GALNT17: variants seen among roughly 807,000 people sequenced by gnomAD.
The protein encoded by GALNT17 is UDP-GalNAc:polypeptide N-acetylgalactosaminyltransferase-like 3.
A neutral mutation model predicts 63.7 loss-of-function variants in GALNT17; 29 were observed. That is an observed-to-expected ratio of 0.46 (90% CI 0.34 to 0.62). The LOEUF (loss-of-function observed/expected upper bound fraction) is 0.62. Ranked by LOEUF, GALNT17 falls within the 20% of genes least tolerant of loss-of-function variation. GALNT17 has a pLI of 0.01. For synonymous variants in GALNT17, 305 were observed against 318.3 expected (o/e 0.96, Z 0.45); for missense variants, 603 against 799.6 (o/e 0.75, Z 2.97).
chr7:71,356,792 A>AT (rs766266282), intron 2 of GALNT17, among the ~76,000 whole-genome samples: 107 of 152,000 alleles, frequency 7.0e-4, no homozygotes, highest in Non-Finnish European at 1.0e-3. Flanking sequence ...GCATATATAT[A>AT]TATTTTTTAG....
chr7:71,390,404 A>T (rs981038072), intron 3 of GALNT17, among the ~76,000 whole-genome samples: 1 of 152,048 alleles, frequency 6.6e-6, no homozygotes, highest in Non-Finnish European at 1.5e-5. Flanking sequence ...CTTCTCTGGG[A>T]CCTCTGGCTT....
chr7:71,397,613 C>G (rs572529545), intron 3 of GALNT17, among the ~76,000 whole-genome samples: 9 of 152,198 alleles, frequency 5.9e-5, no homozygotes, highest in Non-Finnish European at 1.3e-4. Context: ...CTCGCTGCAT[C>G]TATCTGAAGT....
chr7:71,395,105 A>G (rs1231650594), intron 3 of GALNT17, among the ~76,000 whole-genome samples: 1 of 152,174 alleles, frequency 6.6e-6, no homozygotes, highest in Non-Finnish European at 1.5e-5. Context: ...CTGTCTCAAA[A>G]AAACAAAAAA....
chr7:71,205,685 A>T (rs1409757467), intron 1 of GALNT17, among the ~76,000 whole-genome samples: 2 of 152,058 alleles, frequency 1.3e-5, no homozygotes, highest in African/African-American at 2.4e-5. Flanking sequence ...TGTTTTCTTG[A>T]TTACTTTTTC....
chr7:71,387,803 G>A (rs1583910667), intron 2 of GALNT17, among the ~76,000 whole-genome samples: 1 of 152,094 alleles, frequency 6.6e-6, no homozygotes, highest in Non-Finnish European at 1.5e-5. Context: ...GGTAGATGCA[G>A]GTAGACATAT....
chr7:71,146,266 G>A (rs913452446), intron 1 of GALNT17, among the ~76,000 whole-genome samples: 1 of 152,146 alleles, frequency 6.6e-6, no homozygotes, highest in African/African-American at 2.4e-5. Context: ...GATTGTCACA[G>A]CTGTGACTGC....
chr7:71,328,152 C>T (rs181845572), intron 1 of GALNT17, among the ~76,000 whole-genome samples: 1 of 152,202 alleles, frequency 6.6e-6, no homozygotes, highest in African/African-American at 2.4e-5. Context: ...TCCTTCCTCT[C>T]TTTATCTTCG....
At chr7:71,237,511 G>GAAA (rs369921098) in intron 1 of GALNT17, among the ~76,000 whole-genome samples, 10 of 78,114 alleles carry the variant, frequency 1.3e-4, no homozygotes, top group African/African-American at 2.5e-4. Flanking sequence ...TCCCATCTCT[G>GAAA]AAAAAAAAAA....
chr7:71,570,974 G>A (rs758148983), intron 5 of GALNT17, among the ~76,000 whole-genome samples: 3 of 151,942 alleles, frequency 2.0e-5, no homozygotes, highest in Non-Finnish European at 4.4e-5. Flanking sequence ...GCAAAACTCC[G>A]ACTCAAAACA....
chr7:71,563,480 T>C (rs1042886279), intron 5 of GALNT17, among the ~76,000 whole-genome samples: 1 of 152,216 alleles, frequency 6.6e-6, no homozygotes, highest in East Asian at 1.9e-4. Context: ...CAAGGACAGC[T>C]CCTCGTTTAT....
chr7:71,175,619 C>T lies in GALNT17; in HGVS notation c.238+42579C>T, dbSNP rs150671047. On this transcript the variant is annotated intron_variant, in intron 1 of 10. Coordinates refer to ENST00000333538, the MANE Select transcript of GALNT17 (RefSeq NM_022479.3). ...CTCTTGAAATTGTTGGGATGAGAGG[C>T]GGTGGTGGCCTGAACTAAAATTTGG... Among the ~76,000 whole-genome samples the T allele has an allele frequency of 3.9e-4, 60 of 152,194 alleles. No individual in the cohort carries two copies. In the East Asian group the frequency reaches 0.011, roughly 28 times the overall value.
chr7:71,283,985 G>A (rs1189729961), intron 1 of GALNT17: 1 of 152,262 alleles, frequency 6.6e-6, no homozygotes, highest in African/African-American at 2.4e-5. Context: ...CTGTATAATG[G>A]ACCAATCAGC....
At position 71,205,560 on chromosome 7, in the gene GALNT17, G is replaced by GT. The variant is rs1217854439; in HGVS notation, c.238+72521dup. Among the ~76,000 whole-genome samples the GT allele has an allele frequency of 7.2e-5, 11 of 152,210 alleles. No homozygotes were observed. The East Asian group carries it at 1.7e-3, about 24-fold the overall frequency. Reference sequence around the variant, plus strand: ...ATCACAGCCACTCTAGTAGCTGGGAGTACAGGCACGCTCCACCACACGCTT... The same window carrying GT: ...ATCACAGCCACTCTAGTAGCTGGGAGTTACAGGCACGCTCCACCACACGCTT... On this transcript the variant is annotated intron_variant, in intron 1 of 10. Transcript: ENST00000333538.
In GALNT17 at chr7:71,267,533, G is replaced by A. The variant is rs1451340320; in HGVS notation, c.239-68017G>A. Among the ~76,000 whole-genome samples, 3 of 152,164 alleles carry A rather than the reference G, an allele frequency of 2.0e-5. No homozygotes were observed. In the East Asian group the frequency reaches 5.8e-4, roughly 29 times the overall value. On this transcript the variant is annotated intron_variant, in intron 1 of 10. Coordinates refer to ENST00000333538, the MANE Select transcript of GALNT17 (RefSeq NM_022479.3). ...TTCTTGCCTGTGTATTTTCAGAAAT[G>A]TGCTCTCCTTTGAGATATTTCTCTC...
At chr7:71,329,946 C>T (rs60857123) in intron 1 of GALNT17, among the ~76,000 whole-genome samples, 3 of 149,076 alleles carry the variant, frequency 2.0e-5, no homozygotes, top group Non-Finnish European at 4.5e-5. Context: ...TATATACACA[C>T]ATATGTGTGT....
intron 5 of GALNT17, among the ~76,000 whole-genome samples, chr7:71,540,505 T>C (rs1034760098): frequency 6.6e-5 from 10 of 152,082 alleles, no homozygotes; most frequent in Non-Finnish European, 1.2e-4. Context: ...CCCCGTGGTG[T>C]GTAGGTGCTG....
At chr7:71,612,264 T>C (rs2116954346) in intron 6 of GALNT17, among the ~76,000 whole-genome samples, 1 of 152,296 alleles carries the variant, frequency 6.6e-6, no homozygotes, top group East Asian at 1.9e-4. Context: ...ATTCTATGCC[T>C]TTGGATTTTC....
intron 1 of GALNT17, among the ~76,000 whole-genome samples, chr7:71,234,857 G>A (rs1324661563): frequency 1.3e-5 from 2 of 152,176 alleles, no homozygotes; most frequent in Admixed American, 6.5e-5. Flanking sequence ...GGGTGTCTAA[G>A]TGCCTTTTTG....
At chr7:71,210,188 T>C (rs755111659) in intron 1 of GALNT17, among the ~76,000 whole-genome samples, 6 of 152,170 alleles carry the variant, frequency 3.9e-5, no homozygotes, top group Middle Eastern at 3.4e-3. Flanking sequence ...CTCCCAAAGT[T>C]TGAGACTTAT....
Sources: gnomAD v4.1 joint callset for allele counts (sites outside exome capture counted in the v4.1 genomes callset) on GRCh38, gnomAD v4.1.1 for gene constraint, MANE v1.5 for transcripts, NCBI Gene and HGNC (gene_info 2026-07-23, HGNC 2026-07-21) for gene names.